NIM1K: variants seen among roughly 807,000 people sequenced by gnomAD.
NIM1K encodes the protein serine/threonine-protein kinase NIM1.
Under a neutral mutation model 37.1 loss-of-function variants are expected in NIM1K, and 35 were observed. The ratio of observed to expected loss-of-function variants is 0.94; its 90% CI spans 0.72 to 1.25. The LOEUF (loss-of-function observed/expected upper bound fraction) is 1.25, where lower values mean the gene tolerates loss of function less well. Among genes scored for constraint, NIM1K ranks in the 50% most tolerant of loss-of-function variants. The pLI is 0.00. For synonymous variants in NIM1K, 234 were observed against 206.6 expected (o/e 1.13, Z -1.14); for missense variants, 564 against 548.0 (o/e 1.03, Z -0.29).
In NIM1K at chr5:43,199,189, C is replaced by CAAA. The variant is rs1368419224; in HGVS notation, c.-695+6792_-695+6794dup. ...GGCAACAAGAGTGAAGCTCTGTCTC[C>CAAA]AAAAAAAAAAAAAAAATATATATAT... On this transcript the variant is annotated intron_variant, in intron 1 of 3. Transcript: ENST00000326035. Among the ~76,000 whole-genome samples the CAAA allele has an allele frequency of 4.1e-3, 40 of 9,822 alleles. 6 individuals are homozygous for CAAA. Among genetic ancestry groups the CAAA allele is most frequent in the African/African-American group, 0.017 (40 of 2,330 alleles). The allele number at this position is 9,822 out of a possible 152,430, so 6.4% of individuals were successfully genotyped here.
chr5:43,198,524 A>T (rs1231342313), intron 1 of NIM1K, among the ~76,000 whole-genome samples: 1 of 152,018 alleles, frequency 6.6e-6, no homozygotes, highest in Non-Finnish European at 1.5e-5. Flanking sequence ...ACTTAAAAAA[A>T]AAAGAGCGGA....
At position 43,250,178 on chromosome 5, in the gene NIM1K, A is replaced by C. The variant is rs1425188054; in HGVS notation, c.292+4111A>C. Among the ~76,000 whole-genome samples the C allele has an allele frequency of 7.2e-5, 11 of 152,220 alleles. No individual in the cohort carries two copies. In the East Asian group the frequency reaches 2.1e-3, roughly 29 times the overall value. On this transcript the variant is annotated intron_variant, in intron 2 of 3. Transcript: ENST00000326035. Reference sequence around the variant, plus strand: ...GATTAGTTTTAAATATGCTAATGGAATCATTCACTGTTGCTCCATGAACAC... The same window carrying C: ...GATTAGTTTTAAATATGCTAATGGACTCATTCACTGTTGCTCCATGAACAC...
chr5:43,233,322 A>AC (rs200559739), intron 1 of NIM1K: 19,321 of 457,902 alleles, frequency 0.042, 1,140 homozygotes, highest in African/African-American at 0.19. Flanking sequence ...TAAAAAAAAA[A>AC]AAAAACTTAA....
At chr5:43,199,207 ATATATATATATAT>A (rs1751982760) in intron 1 of NIM1K, among the ~76,000 whole-genome samples, 3 of 67,576 alleles carry the variant, frequency 4.4e-5, no homozygotes, top group Admixed American at 2.3e-4. Context: ...AAAAAAAAAT[ATATATATATATAT>A]ATATATATAT....
chr5:43,238,071 C>T (rs1167809729), intron 1 of NIM1K, among the ~76,000 whole-genome samples: 3 of 124,460 alleles, frequency 2.4e-5, no homozygotes, highest in Non-Finnish European at 4.8e-5. Context: ...GAGATGGAGT[C>T]TCGCTCTGTC....
chr5:43,224,759 C>T lies in NIM1K; in HGVS notation c.-694-20323C>T, dbSNP rs111937469. 1.1e-3 allele frequency among the ~76,000 whole-genome samples: 166 copies of T among 150,276 alleles called. 4 individuals are homozygous for T. The South Asian group carries it at 0.016, about 15-fold the overall frequency. On this transcript the variant is annotated intron_variant, in intron 1 of 3. Coordinates refer to ENST00000326035, the MANE Select transcript of NIM1K (RefSeq NM_153361.4). ...TCACCCAGGCTTGGGGGCAGTGGCG[C>T]GATCTCGGCTCACTGCAACCTCTGC...
At chr5:43,233,001 G>A (rs552729715) in intron 1 of NIM1K, 26 of 1,184,938 alleles carry the variant, frequency 2.2e-5, no homozygotes, top group African/African-American at 1.9e-4. Flanking sequence ...CATGCTTGCC[G>A]GAGCCCGTCT....
chr5:43,242,519 T>G (rs1166581667), intron 1 of NIM1K, among the ~76,000 whole-genome samples: 1 of 151,868 alleles, frequency 6.6e-6, no homozygotes, highest in Non-Finnish European at 1.5e-5. Context: ...GACTTTGGAC[T>G]AAGCTTTTAC....
intron 2 of NIM1K, among the ~76,000 whole-genome samples, chr5:43,258,279 G>A (rs1017471587): frequency 6.6e-6 from 1 of 152,160 alleles, no homozygotes; most frequent in Non-Finnish European, 1.5e-5. Context: ...TAGTTCAGAT[G>A]TTTCATGCTC....
intron 1 of NIM1K, among the ~76,000 whole-genome samples, chr5:43,199,210 T>A (rs1481844113): frequency 0.39 from 24,422 of 63,104 alleles, 6,291 homozygotes; most frequent in East Asian, 0.69. Context: ...AAAAAATATA[T>A]ATATATATAT....
At chr5:43,265,436 C>T (rs1486483490) in intron 2 of NIM1K, among the ~76,000 whole-genome samples, 1 of 152,178 alleles carries the variant, frequency 6.6e-6, no homozygotes. Context: ...GCATGCATCA[C>T]ATAGTTCTTG....
chr5:43,208,973 A>G (rs1474825005), intron 1 of NIM1K, among the ~76,000 whole-genome samples: 1 of 152,244 alleles, frequency 6.6e-6, no homozygotes, highest in Admixed American at 6.5e-5. Flanking sequence ...ATGGGTGTGT[A>G]CATTTCCAGA....
At chr5:43,255,514 G>T (rs569542905) in intron 2 of NIM1K, among the ~76,000 whole-genome samples, 3 of 152,310 alleles carry the variant, frequency 2.0e-5, no homozygotes, top group South Asian at 2.1e-4. Flanking sequence ...ACTTTGGGAG[G>T]CCAAGGTGGG....
chr5:43,232,975 AAC>A, intron 1 of NIM1K: 1 of 1,145,220 alleles, frequency 8.7e-7, no homozygotes, highest in Non-Finnish European at 1.3e-6. Context: ...CAGGTCTAGA[AAC>A]ACTGCCCTGG....
Position 43,245,817 on chromosome 5 carries a change from C to T in NIM1K, c.42C>T (p.Pro14=). ...VYMNGGGLVN[P]HYARWDRRDS... is the part of the protein sequence containing the mutation. ...TGAATGGAGGTGGCCTGGTGAACCC[C>T]CACTATGCCCGGTGGGATCGGCGCG... Residue 14 remains proline, a synonymous_variant, in exon 2 of 4, where the codon CCC becomes CCT. Coordinates refer to ENST00000326035, the MANE Select transcript of NIM1K (RefSeq NM_153361.4). 1 of 1,612,512 alleles carries T rather than the reference C, an allele frequency of 6.2e-7. No homozygotes were observed. Among genetic ancestry groups the T allele is most frequent in the East Asian group, 2.2e-5 (1 of 44,858 alleles).
intron 1 of NIM1K, among the ~76,000 whole-genome samples, chr5:43,221,968 T>G (rs932105456): frequency 6.6e-6 from 1 of 152,242 alleles, no homozygotes; most frequent in Non-Finnish European, 1.5e-5. Flanking sequence ...CAGTAAATGT[T>G]GAATAAACGG....
chr5:43,196,362 C>T (rs1401425321), intron 1 of NIM1K, among the ~76,000 whole-genome samples: 4 of 152,082 alleles, frequency 2.6e-5, no homozygotes, highest in Admixed American at 6.6e-5. Context: ...GGCGCGGTGG[C>T]TTACGCCTGT....
intron 2 of NIM1K, among the ~76,000 whole-genome samples, chr5:43,275,572 T>C (rs371293788): frequency 6.6e-6 from 1 of 152,362 alleles, no homozygotes; most frequent in Admixed American, 6.5e-5. Flanking sequence ...ACCAGCACGC[T>C]GTCAACACTG....
intron 2 of NIM1K, among the ~76,000 whole-genome samples, chr5:43,248,957 C>T (rs1327622102): frequency 6.6e-6 from 1 of 151,916 alleles, no homozygotes; most frequent in African/African-American, 2.4e-5. Flanking sequence ...TCACCTCAAC[C>T]TCCGCCTCCC....
Sources: allele counts gnomAD v4.1 joint callset (sites outside exome capture counted in the v4.1 genomes callset), GRCh38; gene constraint gnomAD v4.1.1; transcripts MANE v1.5; gene names NCBI Gene and HGNC (gene_info 2026-07-23, HGNC 2026-07-21).